The following ANKRD44 variants were observed in gnomAD, a reference collection of about 807,000 sequenced individuals.
The protein encoded by ANKRD44 is serine/threonine-protein phosphatase 6 regulatory ankyrin repeat subunit B.
A neutral mutation model predicts 116.0 loss-of-function variants in ANKRD44; 35 were observed. The ratio of observed to expected loss-of-function variants is 0.30; its 90% CI spans 0.23 to 0.40. The LOEUF (loss-of-function observed/expected upper bound fraction) is 0.40. ANKRD44 is among the 10% of genes least tolerant of loss of function. ANKRD44 has a pLI of 1.00. For synonymous variants in ANKRD44, 435 were observed against 461.8 expected (o/e 0.94, Z 0.74); for missense variants, 1,014 against 1,242.6 (o/e 0.82, Z 2.77).
chr2:197,282,421 T>C (rs1055536978), intron 1 of ANKRD44, among the ~76,000 whole-genome samples: 6 of 150,982 alleles, frequency 4.0e-5, no homozygotes, highest in African/African-American at 1.5e-4. Context: ...TGAGAGGCGG[T>C]GTGTGTTTAA....
intron 1 of ANKRD44, among the ~76,000 whole-genome samples, chr2:197,267,634 G>A (rs2082775495): frequency 6.6e-6 from 1 of 152,218 alleles, no homozygotes; most frequent in African/African-American, 2.4e-5. Context: ...ATGACATGCT[G>A]TGGTACTAAG....
intron 8 of ANKRD44, among the ~76,000 whole-genome samples, chr2:197,119,880 C>A (rs1452233707): frequency 1.3e-5 from 2 of 152,126 alleles, no homozygotes; most frequent in Non-Finnish European, 2.9e-5. Flanking sequence ...ATGAATGCTG[C>A]GTGATAAGCT....
chr2:197,013,800 C>T, intron 17 of ANKRD44, 88 bp from the exon 18 acceptor site: 3 of 1,389,274 alleles, frequency 2.2e-6, no homozygotes, highest in Non-Finnish European at 1.0e-6. Context: ...CTTCCTGGGC[C>T]ATGGATAGAG....
chr2:197,137,173 G>A lies in ANKRD44; in HGVS notation c.191-511C>T, dbSNP rs191033055. Among the ~76,000 whole-genome samples the A allele has an allele frequency of 6.4e-4, 97 of 152,310 alleles. 1 individual carries two copies. The highest frequency in any genetic ancestry group is 2.3e-3 in the African/African-American group (97 of 41,570). ...CCATGTCTGAACAGCTAAGACATCT[G>A]ATATAAGCTTCCTTTTAGGGGGTTC... is the stretch of plus-strand genomic sequence containing the variant. On this transcript the variant is annotated intron_variant, in intron 3 of 27. Coordinates refer to ENST00000282272, the MANE Select transcript of ANKRD44 (RefSeq NM_001195144.2).
intron 1 of ANKRD44, among the ~76,000 whole-genome samples, chr2:197,192,329 C>T (rs1463557078): frequency 6.6e-6 from 1 of 152,078 alleles, no homozygotes; most frequent in African/African-American, 2.4e-5. Context: ...TGGTGTGTTG[C>T]TTGTGTTTTT....
At chr2:197,195,326 G>A (rs560574645) in intron 1 of ANKRD44, among the ~76,000 whole-genome samples, 6 of 152,290 alleles carry the variant, frequency 3.9e-5, no homozygotes, top group Non-Finnish European at 8.8e-5. Flanking sequence ...ATGAGCAGGA[G>A]AAAGGAATAG....
rs541909502 is a variant in ANKRD44, at chr2:196,994,515, CT to C, written c.2832-842del. 61 of 143,710 alleles carry C rather than the reference CT, an allele frequency of 4.2e-4. No individual in the cohort carries two copies. In the South Asian group the frequency reaches 9.5e-3, roughly 22 times the overall value. 8.9% of individuals were successfully genotyped at this position (143,710 alleles called of 1,614,324 possible). ...GTCTTCTTCTTCTTCTTCTTCTTTTCTTTTTTTTTTGTGGGGGGACAGTCTC... is the reference window on the plus strand; with the variant it reads ...GTCTTCTTCTTCTTCTTCTTCTTTTCTTTTTTTTTGTGGGGGGACAGTCTC... On this transcript the variant is annotated intron_variant, in intron 26 of 27. Transcript: ENST00000282272.
intron 27 of ANKRD44, chr2:196,990,324 C>T: frequency 1.0e-6 from 1 of 995,422 alleles, no homozygotes; most frequent in Non-Finnish European, 1.2e-6. Context: ...CTTCTGAGAA[C>T]TCACTGCTAA....
intron 16 of ANKRD44, among the ~76,000 whole-genome samples, chr2:197,032,201 T>C (rs557521408): frequency 6.6e-6 from 1 of 152,294 alleles, no homozygotes. Context: ...TCTTGAGTTT[T>C]ATAAAATCCA....
At chr2:197,017,519 A>G (rs1051675063) in intron 17 of ANKRD44, among the ~76,000 whole-genome samples, 3 of 152,206 alleles carry the variant, frequency 2.0e-5, no homozygotes, top group Admixed American at 6.5e-5. Flanking sequence ...TATGTTTGTG[A>G]ATGATTTTGA....
intron 1 of ANKRD44, among the ~76,000 whole-genome samples, chr2:197,298,916 C>CAA: frequency 3.0e-5 from 4 of 133,678 alleles, no homozygotes; most frequent in South Asian, 2.4e-4. Flanking sequence ...GATCCTGTTT[C>CAA]AAAAAAAAAA....
At chr2:197,049,820 A>G (rs2077071985) in intron 16 of ANKRD44, among the ~76,000 whole-genome samples, 2 of 152,136 alleles carry the variant, frequency 1.3e-5, no homozygotes, top group African/African-American at 4.8e-5. Flanking sequence ...GATTTTAATT[A>G]AAGGAAGAAA....
At chr2:197,020,742 C>T (rs1311180517) in intron 17 of ANKRD44, among the ~76,000 whole-genome samples, 2 of 151,868 alleles carry the variant, frequency 1.3e-5, no homozygotes, top group Non-Finnish European at 2.9e-5. Flanking sequence ...TAAGCAACAC[C>T]TTTAAAAAGC....
chr2:197,143,339 A>C, intron 3 of ANKRD44, among the ~76,000 whole-genome samples: 1 of 125,340 alleles, frequency 8.0e-6, no homozygotes, highest in Non-Finnish European at 1.7e-5. Context: ...TCCTAATGCT[A>C]TCCCTCCCCC....
intron 14 of ANKRD44, among the ~76,000 whole-genome samples, chr2:197,082,599 T>C (rs965931772): frequency 6.6e-6 from 1 of 152,210 alleles, no homozygotes; most frequent in African/African-American, 2.4e-5. Context: ...CTGTAAGATG[T>C]TACTTCTCAC....
intron 3 of ANKRD44, among the ~76,000 whole-genome samples, chr2:197,139,116 A>G (rs76605277): frequency 0.041 from 6,302 of 152,236 alleles, 156 homozygotes; most frequent in Middle Eastern, 0.078. Flanking sequence ...TTTGGGAAAC[A>G]ATGTGGCATT....
intron 1 of ANKRD44, among the ~76,000 whole-genome samples, chr2:197,256,637 C>G (rs375481948): frequency 6.6e-6 from 1 of 152,174 alleles, no homozygotes; most frequent in Non-Finnish European, 1.5e-5. Flanking sequence ...TTCTAAGATT[C>G]TTTCCCAAGA....
chr2:197,084,757 A>G (rs553710648), intron 13 of ANKRD44, among the ~76,000 whole-genome samples: 3 of 152,230 alleles, frequency 2.0e-5, no homozygotes, highest in South Asian at 4.1e-4. Flanking sequence ...CTTTAGTTAA[A>G]AAAAAAGAAA....
downstream of ANKRD44, among the ~76,000 whole-genome samples, chr2:196,982,108 T>TTTTATATA (rs150861089): frequency 2.8e-3 from 267 of 96,546 alleles, 15 homozygotes; most frequent in East Asian, 0.047. Flanking sequence ...CTAAAAAAAA[T>TTTTATATA]TATATATATA....
Sources: gnomAD v4.1 joint callset for allele counts (sites outside exome capture counted in the v4.1 genomes callset) on GRCh38, gnomAD v4.1.1 for gene constraint, MANE v1.5 for transcripts, NCBI Gene and HGNC (gene_info 2026-07-23, HGNC 2026-07-21) for gene names.